DMD: variants seen among roughly 807,000 people sequenced by gnomAD.
The protein encoded by DMD is mutant dystrophin.
DMD carries 63 observed loss-of-function variants against 330.1 expected under a neutral mutation model. The ratio of observed to expected loss-of-function variants is 0.19; its 90% CI spans 0.16 to 0.24. The LOEUF (loss-of-function observed/expected upper bound fraction) is 0.24, where lower values mean the gene tolerates loss of function less well. Among genes scored for constraint, DMD ranks in the 10% least tolerant of loss-of-function variants. The probability of loss-of-function intolerance (pLI) is 1.00; values close to 1 mark genes in which losing one functional copy is unlikely to be tolerated. For missense variants in DMD, 3,344 were observed against 2,684.1 expected (o/e 1.25, Z -5.43); for synonymous variants, 1,223 against 959.8 (o/e 1.27, Z -5.07).
At chrX:31,590,724 C>A (rs967358411) in intron 55 of DMD, among the ~76,000 whole-genome samples, 4 of 111,505 alleles carry the variant, frequency 3.6e-5, no homozygotes, top group Non-Finnish European at 7.6e-5. Flanking sequence ...TGGGAAATGA[C>A]CTGTATTTTG....
At chrX:32,165,674 G>T (rs2096865485) in intron 44 of DMD, among the ~76,000 whole-genome samples, 1 of 111,730 alleles carries the variant, frequency 9.0e-6, no homozygotes, top group African/African-American at 3.3e-5. Context: ...AATGTGAAAG[G>T]GACATGAGAT....
chrX:32,506,783 T>A (rs1201298473), intron 18 of DMD, among the ~76,000 whole-genome samples: 1 of 111,783 alleles, frequency 8.9e-6, no homozygotes, highest in African/African-American at 3.2e-5. Flanking sequence ...GTAAAACTTC[T>A]GAGTTGTCTT....
At chrX:33,246,092 G>A (rs1299621881) in intron 1 of DMD, among the ~76,000 whole-genome samples, 3 of 112,020 alleles carry the variant, frequency 2.7e-5, no homozygotes, top group Admixed American at 9.5e-5. Flanking sequence ...TGACCTAATC[G>A]TTTTTAAATA....
chrX:33,103,882 CAAAT>C (rs1432954454), intron 1 of DMD, among the ~76,000 whole-genome samples: 1 of 111,641 alleles, frequency 9.0e-6, no homozygotes, highest in Non-Finnish European at 1.9e-5. Context: ...AAAGCAATCC[CAAAT>C]AAAAATAATG....
At chrX:31,155,379 T>A (rs2037986187) in intron 74 of DMD, among the ~76,000 whole-genome samples, 1 of 112,746 alleles carries the variant, frequency 8.9e-6, no homozygotes, top group South Asian at 3.6e-4. Flanking sequence ...CAATGTTTTC[T>A]TAACAGTATC....
chrX:31,439,494 T>A (rs2064777567), intron 60 of DMD, among the ~76,000 whole-genome samples: 1 of 77,781 alleles, frequency 1.3e-5, no homozygotes, highest in Admixed American at 1.4e-4. Context: ...TGGAAGAAGC[T>A]TAGGAAACCT....
At chrX:31,726,044 TGACAAATTCA>T (rs1180323877) in intron 52 of DMD, among the ~76,000 whole-genome samples, 1 of 112,126 alleles carries the variant, frequency 8.9e-6, no homozygotes, top group Non-Finnish European at 1.9e-5. Flanking sequence ...CAGGAATGAT[TGACAAATTCA>T]GACACCAAAG....
chrX:33,067,165 A>G (rs1391604041), intron 1 of DMD, among the ~76,000 whole-genome samples: 1 of 111,947 alleles, frequency 8.9e-6, no homozygotes, highest in East Asian at 2.8e-4. Flanking sequence ...ACGTATACCT[A>G]CTCGATCCTA....
At chrX:32,923,388 C>A (rs906180149) in intron 2 of DMD, among the ~76,000 whole-genome samples, 3 of 109,484 alleles carry the variant, frequency 2.7e-5, no homozygotes, top group African/African-American at 1.0e-4. Context: ...TAGCGAAACC[C>A]CATCTCTACT....
At chrX:32,147,021 A>AC (rs1368365277) in intron 44 of DMD, among the ~76,000 whole-genome samples, 1 of 112,160 alleles carries the variant, frequency 8.9e-6, no homozygotes, top group Non-Finnish European at 1.9e-5. Flanking sequence ...GAGTTTAAAA[A>AC]TAAATTATCG....
At chrX:31,479,293 T>C (rs1227823303) in intron 57 of DMD, among the ~76,000 whole-genome samples, 190 bp from the exon 58 acceptor site, 1 of 111,944 alleles carries the variant, frequency 8.9e-6, no homozygotes, top group Non-Finnish European at 1.9e-5. Context: ...GAAAGCGCTG[T>C]GTTTGTAAAG....
chrX:31,686,829 C>G (rs1195272045), intron 52 of DMD, among the ~76,000 whole-genome samples: 1 of 112,030 alleles, frequency 8.9e-6, no homozygotes, highest in Non-Finnish European at 1.9e-5. Flanking sequence ...AGGGAGACAC[C>G]AGCTGGCATG....
intron 29 of DMD, among the ~76,000 whole-genome samples, chrX:32,437,351 T>C (rs1448706456): frequency 9.0e-6 from 1 of 111,120 alleles, no homozygotes; most frequent in Non-Finnish European, 1.9e-5. Context: ...AGAGAAGAGG[T>C]TTTCCTACTC....
chrX:32,982,446 A>C (rs142301379), intron 2 of DMD, among the ~76,000 whole-genome samples: 240 of 112,123 alleles, frequency 2.1e-3, no homozygotes, highest in African/African-American at 7.2e-3. Context: ...AAGAATATTT[A>C]TAATATAAAC....
chrX:33,314,559 GTTTTTTTTTTGTTT>G (rs1292078711), intron 1 of DMD, among the ~76,000 whole-genome samples: 1 of 57,485 alleles, frequency 1.7e-5, no homozygotes, highest in Admixed American at 2.3e-4. Flanking sequence ...TGCCCAGCCT[GTTTTTTTTTTGTTT>G]TTTTTTTTTT....
chrX:32,843,333 A>G (rs2080341674), intron 4 of DMD, among the ~76,000 whole-genome samples: 1 of 112,275 alleles, frequency 8.9e-6, no homozygotes, highest in South Asian at 3.7e-4. Flanking sequence ...CAATTCTCAT[A>G]ATGTCAATGA....
chrX:32,776,298 G>T (rs2074141984), intron 7 of DMD, among the ~76,000 whole-genome samples: 1 of 104,301 alleles, frequency 9.6e-6, no homozygotes, highest in Non-Finnish European at 2.0e-5. Flanking sequence ...CCCCCAAATT[G>T]TTCCAACCTC....
chrX:31,938,150 C>T (rs1180811117), intron 45 of DMD, among the ~76,000 whole-genome samples: 1 of 111,831 alleles, frequency 8.9e-6, no homozygotes, highest in Non-Finnish European at 1.9e-5. Flanking sequence ...AATCACATGG[C>T]ATGATTTTGG....
intron 2 of DMD, among the ~76,000 whole-genome samples, chrX:32,868,290 C>G (rs2082674411): frequency 9.0e-6 from 1 of 111,712 alleles, no homozygotes; most frequent in Non-Finnish European, 1.9e-5. Flanking sequence ...TGTGCAGATT[C>G]TCGCAGGCCA....
Sources: allele counts gnomAD v4.1 joint callset (sites outside exome capture counted in the v4.1 genomes callset), GRCh38; gene constraint gnomAD v4.1.1; transcripts MANE v1.5; gene names NCBI Gene and HGNC (gene_info 2026-07-23, HGNC 2026-07-21).